Variants in DR1 observed in about 807,000 individuals in gnomAD.
The protein encoded by DR1 is down-regulator of transcription 1.
DR1 carries 7 observed loss-of-function variants against 19.9 expected under a neutral mutation model. That is an observed-to-expected ratio of 0.35 (90% CI 0.20 to 0.66). The LOEUF (loss-of-function observed/expected upper bound fraction) is 0.66. Among genes scored for constraint, DR1 ranks in the 30% least tolerant of loss-of-function variants. The probability of loss-of-function intolerance (pLI) is 0.66; values close to 1 mark genes in which losing one functional copy is unlikely to be tolerated. For missense variants in DR1, 98 were observed against 203.7 expected, an observed-to-expected ratio of 0.48 and a Z score of 3.16; for synonymous variants, 76 against 72.5, an observed-to-expected ratio of 1.05 and a Z score of -0.24.
chr1:93,350,552 T>C (rs1666902626), intron 1 of DR1, among the ~76,000 whole-genome samples: 1 of 152,162 alleles, frequency 6.6e-6, no homozygotes, highest in Non-Finnish European at 1.5e-5. Context: ...TCACATAAAT[T>C]CATGTTATGA....
At chr1:93,348,004 C>T (rs1450336492) in intron 1 of DR1, among the ~76,000 whole-genome samples, 1 of 151,948 alleles carries the variant, frequency 6.6e-6, no homozygotes, top group Non-Finnish European at 1.5e-5. Context: ...TGTGACTTTC[C>T]TGTTGTACTG....
intron 2 of DR1, among the ~76,000 whole-genome samples, chr1:93,356,721 CA>C (rs1666990484): frequency 8.2e-6 from 1 of 121,500 alleles, no homozygotes; most frequent in Admixed American, 8.9e-5. Flanking sequence ...TGAACTCTTA[CA>C]ATTTTTTTTT....
Position 93,364,467 on chromosome 1 carries a change from A to T in DR1, c.*3828A>T, listed in dbSNP as rs748575200. The T allele has an allele frequency of 2.6e-5, 4 of 152,236 alleles. No homozygotes were observed. Among genetic ancestry groups the T allele is most frequent in the Non-Finnish European group, 4.4e-5 (3 of 68,048 alleles). 9.4% of individuals were successfully genotyped at this position (152,236 alleles called of 1,614,324 possible). On this transcript the variant is annotated 3_prime_UTR_variant, in exon 3 of 3. Transcript: ENST00000370272. ...TTTCTAAATTATGTCTGTCCAACTC[A>T]TCTATATCCAAATGGCCATTAGGAA...
intron 2 of DR1, among the ~76,000 whole-genome samples, chr1:93,358,412 C>G (rs1162532406): frequency 1.3e-5 from 2 of 152,088 alleles, no homozygotes; most frequent in Non-Finnish European, 2.9e-5. Flanking sequence ...TTTGAACAAC[C>G]CAGCAACACT....
chr1:93,365,123 C>G lies in DR1; in HGVS notation c.*4484C>G, dbSNP rs1276358303. On this transcript the variant is annotated 3_prime_UTR_variant, in exon 3 of 3. Transcript: ENST00000370272. The stretch of plus-strand genomic sequence containing the variant: ...CCACCCGCCTTGGCCTCCCAAAGTG[C>G]TGGGATTACAGGCGTGAGCCACTGC... The G allele has an allele frequency of 6.6e-6, 1 of 152,126 alleles. No individual in the cohort carries two copies. Among genetic ancestry groups the G allele is most frequent in the Non-Finnish European group, 1.5e-5 (1 of 68,060 alleles). 9.4% of individuals were successfully genotyped at this position (152,126 alleles called of 1,614,324 possible).
chr1:93,360,600 G>A lies in DR1; in HGVS notation c.492G>A (p.Ala164=), dbSNP rs766616860. 7 of 1,592,118 alleles carry A rather than the reference G, an allele frequency of 4.4e-6. No individual in the cohort carries two copies. Among genetic ancestry groups the A allele is most frequent in the East Asian group, 4.7e-5 (2 of 42,962 alleles). The change falls in exon 3 of 3, where the codon GCG becomes GCA. Residue 164 remains alanine (A), a synonymous_variant. Coordinates refer to ENST00000370272, the MANE Select transcript of DR1 (RefSeq NM_001938.3). ...CCTCAGCCAGTGCATCTAATCAGGC[G>A]GGATCTTCTCAGGATGAAGAAGATG... The part of the protein sequence containing the change: ...AAASASASNQ[A]GSSQDEEDDD...
rs55792701 is a variant in DR1 at position 93,362,826 on chromosome 1, C to CTTTTTTTTTTTTTTTTTTTTTTT, written c.*2193_*2215dup. The CTTTTTTTTTTTTTTTTTTTTTTT allele has an allele frequency of 5.7e-5, 3 of 52,850 alleles. No homozygotes were observed. Among genetic ancestry groups the CTTTTTTTTTTTTTTTTTTTTTTT allele is most frequent in the Non-Finnish European group, 1.1e-4 (3 of 27,566 alleles). The allele number at this position is 52,850 out of a possible 1,614,324, so 3.3% of individuals were successfully genotyped here. On this transcript the variant is annotated 3_prime_UTR_variant, in exon 3 of 3. Coordinates refer to ENST00000370272, the MANE Select transcript of DR1 (RefSeq NM_001938.3). Reference sequence around the variant, plus strand: ...GCAATATTTTATTTTTAGGTTTTTTCTTTTTTTTTTTTTTTTTTTTTTTTT... The same window carrying CTTTTTTTTTTTTTTTTTTTTTTT: ...GCAATATTTTATTTTTAGGTTTTTTCTTTTTTTTTTTTTTTTTTTTTTTTTTTTTTTTTTTTTTTTTTTTTTTT...
intron 2 of DR1, among the ~76,000 whole-genome samples, chr1:93,358,742 T>A (rs1417713633): frequency 6.6e-6 from 1 of 152,236 alleles, no homozygotes; most frequent in Non-Finnish European, 1.5e-5. Flanking sequence ...ATCTTCATGT[T>A]CTCTTCCTGC....
Position 93,361,748 on chromosome 1 carries a change from CAACTGATCAGCCCTATATGAATT to C in DR1, c.*1131_*1153del, listed in dbSNP as rs936632383. ...TAGTTTTGCTTAAGAAGTTATGTTA[CAACTGATCAGCCCTATATGAATT>C]AACTGATCAGCCCTATATGAAACAT... On this transcript the variant is annotated 3_prime_UTR_variant, in exon 3 of 3. Coordinates refer to ENST00000370272, the MANE Select transcript of DR1 (RefSeq NM_001938.3). 4 of 152,384 alleles carry C rather than the reference CAACTGATCAGCCCTATATGAATT, an allele frequency of 2.6e-5. No individual in the cohort carries two copies. Among genetic ancestry groups the C allele is most frequent in the South Asian group, 2.1e-4 (1 of 4,818 alleles). 9.4% of individuals were successfully genotyped at this position (152,384 alleles called of 1,614,324 possible). A position where few individuals can be genotyped will look rare whatever the true frequency, so the allele number is the denominator to read the frequency against.
Position 93,366,678 on chromosome 1 carries a change from T to G in DR1, c.*6039T>G, listed in dbSNP as rs536053104. 1.3e-4 allele frequency: 20 copies of G among 152,196 alleles called. No homozygotes were observed. Among genetic ancestry groups the G allele is most frequent in the Non-Finnish European group, 2.9e-4 (20 of 68,042 alleles). 9.4% of individuals were successfully genotyped at this position (152,196 alleles called of 1,614,324 possible). On this transcript the variant is annotated 3_prime_UTR_variant, in exon 3 of 3. Transcript: ENST00000370272. ...CTAAAATTAAACATTGAGATTAATA[T>G]GAGCTTTATATACATTTAAAAAGGA...
chr1:93,369,369 C>G lies in DR1; in HGVS notation c.*8730C>G, dbSNP rs1667206607. 6.6e-6 allele frequency: 1 copy of G among 152,180 alleles called. No homozygotes were observed. Among genetic ancestry groups the G allele is most frequent in the African/African-American group, 2.4e-5 (1 of 41,440 alleles). The allele number at this position is 152,180 out of a possible 1,614,324, so 9.4% of individuals were successfully genotyped here. A position where few individuals can be genotyped will look rare whatever the true frequency, so the allele number is the denominator to read the frequency against. The stretch of plus-strand genomic sequence containing the variant: ...TTGCAAGGTAATTGTAGAACTCATT[C>G]TAAGGAAGCAGAGGTAATGTCTGTT... On this transcript the variant is annotated 3_prime_UTR_variant, in exon 3 of 3. Coordinates refer to ENST00000370272, the MANE Select transcript of DR1 (RefSeq NM_001938.3).
In DR1 at chr1:93,361,043, A is replaced by AGGT. The variant is rs1553198465; in HGVS notation, c.*406_*407insTGG. The AGGT allele has an allele frequency of 2.7e-5, 4 of 147,874 alleles. No individual in the cohort carries two copies. Among genetic ancestry groups the AGGT allele is most frequent in the African/African-American group, 5.0e-5 (2 of 40,286 alleles). The allele number at this position is 147,874 out of a possible 1,614,324, so 9.2% of individuals were successfully genotyped here. On this transcript the variant is annotated 3_prime_UTR_variant, in exon 3 of 3. Transcript: ENST00000370272. The stretch of plus-strand genomic sequence containing the variant: ...AAAACTTGTGAATTTTAAATTATTA[A>AGGT]GGGGGGGGTGCTGTGTGAATCAGTA...
rs370080484 is a variant in DR1 at position 93,346,480 on chromosome 1, TC to T, written c.-163del. On this transcript the variant is annotated 5_prime_UTR_variant, in exon 1 of 3. Coordinates refer to ENST00000370272, the MANE Select transcript of DR1 (RefSeq NM_001938.3). ...CTAAATCTCTCACACACGCGAGTGT[TC>T]CCAGCCCTCAAGCCAGCTGCTCCTC... 1.3e-5 allele frequency: 8 copies of T among 617,380 alleles called. No individual in the cohort carries two copies. The highest frequency in any genetic ancestry group is 1.3e-4 in the African/African-American group (7 of 54,070). The allele number at this position is 617,380 out of a possible 1,614,324, so 38.2% of individuals were successfully genotyped here. A position where few individuals can be genotyped will look rare whatever the true frequency, so the allele number is the denominator to read the frequency against.
At chr1:93,348,651 G>A (rs1666881780) in intron 1 of DR1, among the ~76,000 whole-genome samples, 1 of 152,112 alleles carries the variant, frequency 6.6e-6, no homozygotes, top group Non-Finnish European at 1.5e-5. Flanking sequence ...TCAGTTTAAT[G>A]TGTGAGTCAG....
rs1486873892 is a variant in DR1, at chr1:93,363,528, A to T, written c.*2889A>T. On this transcript the variant is annotated 3_prime_UTR_variant, in exon 3 of 3. Coordinates refer to ENST00000370272, the MANE Select transcript of DR1 (RefSeq NM_001938.3). ...TTTTTGGCTTCCAGTGACGGCCTGT[A>T]TTTATGGGCTTGTGACCCCTTCCTC... The T allele has an allele frequency of 6.6e-6, 1 of 152,144 alleles. No homozygotes were observed. 9.4% of individuals were successfully genotyped at this position (152,144 alleles called of 1,614,324 possible).
chr1:93,359,905 G>A (rs906193732), intron 2 of DR1, among the ~76,000 whole-genome samples: 1 of 152,116 alleles, frequency 6.6e-6, no homozygotes, highest in African/African-American at 2.4e-5. Context: ...CTTACAGAGA[G>A]GGAATGAGGG....
At chr1:93,350,522 C>T (rs867822638) in intron 1 of DR1, among the ~76,000 whole-genome samples, 36 of 152,192 alleles carry the variant, frequency 2.4e-4, no homozygotes, top group Middle Eastern at 3.4e-3. Context: ...ATGTTTTATG[C>T]ATATGAAGTA....
intron 2 of DR1, among the ~76,000 whole-genome samples, chr1:93,356,888 A>G (rs1481257139): frequency 6.6e-6 from 1 of 151,838 alleles, no homozygotes; most frequent in Non-Finnish European, 1.5e-5. Context: ...TGCCTGGCTA[A>G]TTTTTGTATT....
chr1:93,354,761 T>C (rs1666957862), intron 2 of DR1, among the ~76,000 whole-genome samples: 1 of 152,182 alleles, frequency 6.6e-6, no homozygotes, highest in Admixed American at 6.5e-5. Flanking sequence ...AGGTAAACTC[T>C]TCCAGGTTAG....
Sources: allele counts gnomAD v4.1 joint callset (sites outside exome capture counted in the v4.1 genomes callset), GRCh38; gene constraint gnomAD v4.1.1; transcripts MANE v1.5; gene names NCBI Gene and HGNC (gene_info 2026-07-23, HGNC 2026-07-21).